Variants in HAS2 observed in about 807,000 individuals in gnomAD.
HAS2 encodes HA synthase 2.
HAS2 carries 16 observed loss-of-function variants against 51.6 expected under a neutral mutation model. The ratio of observed to expected loss-of-function variants is 0.31; its 90% confidence interval spans 0.21 to 0.47. The LOEUF (loss-of-function observed/expected upper bound fraction) is 0.47. Ranked by LOEUF, HAS2 falls within the 20% of genes least tolerant of loss-of-function variation. The pLI is 1.00. For missense variants in HAS2, 361 were observed against 662.6 expected (o/e 0.54, Z 5.00); for synonymous variants, 228 against 235.5 (o/e 0.97, Z 0.29).
chr8:121,614,962 GC>G lies in HAS2; in HGVS notation c.805del (p.Ala269ProfsTer54). On this transcript the variant is annotated frameshift_variant, in exon 4 of 4. Coordinates refer to ENST00000303924, the MANE Select transcript of HAS2 (RefSeq NM_005328.3). LOFTEE classifies it high-confidence loss of function. The surrounding 1 kb of genome is among the most constrained non-coding windows in gnomAD (Gnocchi z 7.2). ...AACACACCCAAAATAAGACTGACAGGCCCTTTCTATATTAAAAGCCATCCAA... is the reference window on the plus strand; with the variant it reads ...AACACACCCAAAATAAGACTGACAGGCCTTTCTATATTAAAAGCCATCCAA... ...RYWMAFNIER[A>X]CQSYFGCVQC... is the part of the protein sequence containing the mutation. 1 of 1,612,950 alleles carries G rather than the reference GC, an allele frequency of 6.2e-7. No homozygotes were observed. The highest frequency in any genetic ancestry group is 8.5e-7 in the Non-Finnish European group (1 of 1,178,970).
Position 121,614,035 on chromosome 8 carries a change from G to A in HAS2, c.*74C>T. 6.2e-7 allele frequency: 1 copy of A among 1,607,330 alleles called. No individual in the cohort carries two copies. The highest frequency in any genetic ancestry group is 8.5e-7 in the Non-Finnish European group (1 of 1,177,628). On this transcript the variant is annotated 3_prime_UTR_variant, in exon 4 of 4. Coordinates refer to ENST00000303924, the MANE Select transcript of HAS2 (RefSeq NM_005328.3). The surrounding 1 kb of genome is among the most constrained non-coding windows in gnomAD (Gnocchi z 7.2). ...TATGTCTCCTTTGGTGGCATTATCTGATGCCACAATACTGTACAGCCCCTA... is the reference window on the plus strand; with the variant it reads ...TATGTCTCCTTTGGTGGCATTATCTAATGCCACAATACTGTACAGCCCCTA...
intron 1 of HAS2, among the ~76,000 whole-genome samples, chr8:121,637,389 A>C (rs1203539004): frequency 1.2e-5 from 1 of 83,072 alleles, no homozygotes; most frequent in Non-Finnish European, 2.1e-5. Context: ...TTCAAAATAG[A>C]CTTTTTTTTT....
At chr8:121,622,767 A>G (rs1354002033) in intron 2 of HAS2, among the ~76,000 whole-genome samples, 2 of 151,974 alleles carry the variant, frequency 1.3e-5, no homozygotes, top group African/African-American at 4.8e-5. Flanking sequence ...CTTTATCAAG[A>G]TTGTATAACT....
At chr8:121,626,698 C>G (rs1422954554) in intron 2 of HAS2, among the ~76,000 whole-genome samples, 1 of 152,108 alleles carries the variant, frequency 6.6e-6, no homozygotes, top group Non-Finnish European at 1.5e-5. Flanking sequence ...GTGAATTGAA[C>G]CTTAGGAAAT....
At chr8:121,616,496 G>A (rs556735820) in intron 3 of HAS2, among the ~76,000 whole-genome samples, 1 of 151,042 alleles carries the variant, frequency 6.6e-6, no homozygotes, top group African/African-American at 2.4e-5. Flanking sequence ...AAGTGCAGTG[G>A]CATGATCTCG....
In HAS2 at chr8:121,614,198, C is replaced by A. The variant is rs751453532; in HGVS notation, c.1570G>T (p.Val524Phe). 3.1e-6 allele frequency: 5 copies of A among 1,614,022 alleles called. No homozygotes were observed. In the East Asian group the frequency reaches 8.9e-5, roughly 29 times the overall value. The change falls in exon 4 of 4, where the codon GTC (valine) becomes TTC (phenylalanine). Residue 524 changes from valine to phenylalanine, a missense_variant. Physicochemically the swap from Val to Phe is conservative, Grantham distance 50 (BLOSUM62 -1). This residue lies in a region of HAS2 where 61 missense variants were observed against 73.1 expected (regional missense o/e 0.84). Transcript: ENST00000303924. This position sits in a 1 kb window ranked among gnomAD's most constrained non-coding sequence, Gnocchi z 7.2. The stretch of plus-strand genomic sequence containing the variant: ...ACTACATACAGCGTCAAAAGCATGA[C>A]CCAATAGCATGCATAGAGCAACGTT... ...VGTLLYACYWVMLLTLYVVLI... is the reference protein window; with the variant it reads ...VGTLLYACYWFMLLTLYVVLI...
intron 3 of HAS2, among the ~76,000 whole-genome samples, chr8:121,616,217 T>C (rs1812698846): frequency 6.6e-6 from 1 of 152,188 alleles, no homozygotes. Flanking sequence ...TTTCATTAAT[T>C]GTTTCTTCAT....
Position 121,612,522 on chromosome 8 carries a change from C to T in HAS2, c.*1587G>A, listed in dbSNP as rs1327874040. ...CACTTCTCCATGTGTCTCTGCCTCA[C>T]CATAATGCTGTTTATTCAATTATTC... On this transcript the variant is annotated 3_prime_UTR_variant, in exon 4 of 4. Transcript: ENST00000303924. 1.3e-5 allele frequency: 2 copies of T among 152,100 alleles called. No individual in the cohort carries two copies. Among genetic ancestry groups the T allele is most frequent in the African/African-American group, 4.8e-5 (2 of 41,418 alleles). 9.4% of individuals were successfully genotyped at this position (152,100 alleles called of 1,614,324 possible).
In HAS2 at chr8:121,614,035, G is replaced by C; in HGVS notation, c.*74C>G. ...TATGTCTCCTTTGGTGGCATTATCT[G>C]ATGCCACAATACTGTACAGCCCCTA... On this transcript the variant is annotated 3_prime_UTR_variant, in exon 4 of 4. Transcript: ENST00000303924. This position sits in a 1 kb window ranked among gnomAD's most constrained non-coding sequence, Gnocchi z 7.2. 6.2e-7 allele frequency: 1 copy of C among 1,607,330 alleles called. No homozygotes were observed. Among genetic ancestry groups the C allele is most frequent in the African/African-American group, 1.3e-5 (1 of 74,966 alleles).
chr8:121,616,328 T>C (rs758331817), intron 3 of HAS2, among the ~76,000 whole-genome samples: 1 of 152,154 alleles, frequency 6.6e-6, no homozygotes, highest in African/African-American at 2.4e-5. Context: ...TTATTCCTTT[T>C]TGACTCAGAT....
At chr8:121,638,268 A>G (rs1171091639) in intron 1 of HAS2, among the ~76,000 whole-genome samples, 1 of 152,226 alleles carries the variant, frequency 6.6e-6, no homozygotes, top group African/African-American at 2.4e-5. Flanking sequence ...TTCTAGTAAC[A>G]GTTTCTTATT....
intron 1 of HAS2, among the ~76,000 whole-genome samples, chr8:121,634,207 T>G (rs1812976114): frequency 6.6e-6 from 1 of 152,106 alleles, no homozygotes; most frequent in African/African-American, 2.4e-5. Flanking sequence ...CCTCCCAAAG[T>G]GCTGGGATTA....
In HAS2 at chr8:121,614,354, C is replaced by G. The variant is rs753170315; in HGVS notation, c.1414G>C (p.Val472Leu). The G allele has an allele frequency of 1.2e-6, 2 of 1,614,008 alleles. No homozygotes were observed. Among genetic ancestry groups the G allele is most frequent in the Non-Finnish European group, 1.7e-6 (2 of 1,179,902 alleles). ...GWGTSGRKTIVVNFIGLIPVS... is the reference protein window; with the variant it reads ...GWGTSGRKTILVNFIGLIPVS... ...GGAATGAGTCCTATGAAATTAACAA[C>G]AATGGTTTTCCTTCCTGATGTGCCC... Residue 472 changes from valine to leucine, a missense_variant, in exon 4 of 4, where the codon GTT (valine) becomes CTT (leucine). Transcript: ENST00000303924. This position sits in a 1 kb window ranked among gnomAD's most constrained non-coding sequence, Gnocchi z 7.2.
intron 2 of HAS2, among the ~76,000 whole-genome samples, chr8:121,619,359 T>G (rs891523154): frequency 2.0e-5 from 3 of 152,164 alleles, no homozygotes; most frequent in Admixed American, 2.0e-4. Flanking sequence ...GTGGAGTATA[T>G]GGGGCATCAG....
chr8:121,631,532 C>G (rs1034360857), intron 1 of HAS2, among the ~76,000 whole-genome samples: 1 of 152,174 alleles, frequency 6.6e-6, no homozygotes, highest in Non-Finnish European at 1.5e-5. Context: ...AATTGGTGTT[C>G]CACTTCTAGC....
chr8:121,635,443 C>T (rs7834455), intron 1 of HAS2, among the ~76,000 whole-genome samples: 34,612 of 152,116 alleles, frequency 0.23, 4,153 homozygotes, highest in Middle Eastern at 0.32. Flanking sequence ...TCTCCTTCCA[C>T]TTAACCCATT....
intron 2 of HAS2, among the ~76,000 whole-genome samples, chr8:121,628,453 G>A (rs1812882285): frequency 6.6e-6 from 1 of 151,596 alleles, no homozygotes; most frequent in Admixed American, 6.6e-5. Context: ...AGGGAAGGAA[G>A]GGTCTCCTGT....
intron 2 of HAS2, among the ~76,000 whole-genome samples, chr8:121,623,528 G>A (rs939222744): frequency 1.1e-4 from 16 of 152,112 alleles, no homozygotes; most frequent in Middle Eastern, 3.2e-3. Flanking sequence ...TGAGACACAC[G>A]ATAGTAACCA....
At chr8:121,628,463 T>A (rs1380221981) in intron 2 of HAS2, among the ~76,000 whole-genome samples, 2 of 152,180 alleles carry the variant, frequency 1.3e-5, no homozygotes, top group Non-Finnish European at 2.9e-5. Context: ...GGGTCTCCTG[T>A]CAAAATAATC....
Sources: allele counts gnomAD v4.1 joint callset (sites outside exome capture counted in the v4.1 genomes callset), GRCh38; gene constraint gnomAD v4.1.1; regional missense constraint gnomAD v4.1.1; non-coding constraint Gnocchi (gnomAD v3.1); transcripts MANE v1.5; gene names NCBI Gene and HGNC (gene_info 2026-07-23, HGNC 2026-07-21).